FREM2: variants seen among roughly 807,000 people sequenced by gnomAD.
The protein encoded by FREM2 is FRAS1-related extracellular matrix protein 2.
In FREM2, 119 loss-of-function variants were observed where a neutral mutation model predicts 219.9. The ratio of observed to expected loss-of-function variants is 0.54; its 90% CI spans 0.47 to 0.63. FREM2 has a LOEUF of 0.63. Ranked by LOEUF, FREM2 falls within the 30% of genes least tolerant of loss-of-function variation. The pLI is 0.00. For synonymous variants in FREM2, 1,562 were observed against 1,522.8 expected (o/e 1.03, Z -0.60); for missense variants, 4,030 against 3,993.6 (o/e 1.01, Z -0.25).
chr13:38,720,316 G>A (rs975778830), intron 2 of FREM2, among the ~76,000 whole-genome samples: 1 of 152,080 alleles, frequency 6.6e-6, no homozygotes, highest in African/African-American at 2.4e-5. Flanking sequence ...AACTAGAATG[G>A]GATAGAGGTT....
chr13:38,867,540 A>C (rs1878015742), intron 16 of FREM2, among the ~76,000 whole-genome samples: 1 of 152,264 alleles, frequency 6.6e-6, no homozygotes, highest in South Asian at 2.1e-4. Context: ...CCAATAGAAT[A>C]GATAGATGAG....
intron 6 of FREM2, among the ~76,000 whole-genome samples, chr13:38,796,240 A>G (rs1017586124): frequency 6.6e-6 from 1 of 152,128 alleles, no homozygotes; most frequent in Non-Finnish European, 1.5e-5. Context: ...TCTGGAACGG[A>G]TGACCCTAGA....
At chr13:38,773,683 T>C (rs547010097) in intron 4 of FREM2, among the ~76,000 whole-genome samples, 1 of 152,204 alleles carries the variant, frequency 6.6e-6, no homozygotes, top group South Asian at 2.1e-4. Flanking sequence ...CTCCTTGGCC[T>C]CCCAAAATGT....
In FREM2 at chr13:38,884,467, AT is replaced by A. The variant is rs1365264903; in HGVS notation, c.*3683del. 2 of 152,188 alleles carry A rather than the reference AT, an allele frequency of 1.3e-5. No individual in the cohort carries two copies. The highest frequency in any genetic ancestry group is 4.8e-5 in the African/African-American group (2 of 41,456). 9.4% of individuals were successfully genotyped at this position (152,188 alleles called of 1,614,324 possible). ...TTATTTCTGCTTTTTGAAAATACTT[AT>A]TTAGTATTGACTTGGAAGCCAATTT... On this transcript the variant is annotated 3_prime_UTR_variant, in exon 24 of 24. Coordinates refer to ENST00000280481, the MANE Select transcript of FREM2 (RefSeq NM_207361.6).
chr13:38,833,437 C>T (rs1876587369), intron 6 of FREM2, among the ~76,000 whole-genome samples: 1 of 152,070 alleles, frequency 6.6e-6, no homozygotes, highest in African/African-American at 2.4e-5. Context: ...CTGCTAGTTT[C>T]TGCCCTTTTG....
chr13:38,739,936 G>T (rs182440477), intron 2 of FREM2, among the ~76,000 whole-genome samples: 1 of 152,282 alleles, frequency 6.6e-6, no homozygotes, highest in Admixed American at 6.5e-5. Context: ...GCTAAGGCAT[G>T]AGAGCCTTCA....
chr13:38,852,736 A>T (rs932871127), intron 11 of FREM2, among the ~76,000 whole-genome samples: 3 of 142,108 alleles, frequency 2.1e-5, no homozygotes, highest in Non-Finnish European at 1.5e-5. Context: ...ACAGAGTCTC[A>T]CGCTGTTGGC....
At chr13:38,774,584 T>C (rs1224588018) in intron 4 of FREM2, among the ~76,000 whole-genome samples, 1 of 152,184 alleles carries the variant, frequency 6.6e-6, no homozygotes, top group Non-Finnish European at 1.5e-5. Flanking sequence ...GTGTATTAAG[T>C]TACTAAGCTG....
intron 6 of FREM2, among the ~76,000 whole-genome samples, chr13:38,829,240 G>T (rs2137886505): frequency 6.6e-6 from 1 of 152,144 alleles, no homozygotes; most frequent in African/African-American, 2.4e-5. Flanking sequence ...ATTGAGAAAA[G>T]GCATCCATAT....
chr13:38,816,392 G>A (rs1273510125), intron 6 of FREM2, among the ~76,000 whole-genome samples: 5 of 152,176 alleles, frequency 3.3e-5, no homozygotes, highest in Non-Finnish European at 7.3e-5. Flanking sequence ...CTGTGGTCAA[G>A]TGGAGTTTAT....
rs1329167033 is a variant in FREM2 at position 38,823,015 on chromosome 13, A to T, written c.6020-23558A>T. ...AGACTTAATGTCTTAGATTCTGAAA[A>T]GCATCAAAACAAATCAGGAGAAAAA... On this transcript the variant is annotated intron_variant, in intron 6 of 23. Transcript: ENST00000280481. 2.0e-5 allele frequency among the ~76,000 whole-genome samples: 3 copies of T among 152,110 alleles called. No individual in the cohort carries two copies. In the East Asian group the frequency reaches 5.8e-4, roughly 29 times the overall value.
At position 38,884,898 on chromosome 13, in the gene FREM2, C is replaced by T. The variant is rs1878676044; in HGVS notation, c.*4111C>T. The T allele has an allele frequency of 6.6e-6, 1 of 152,154 alleles. No individual in the cohort carries two copies. The highest frequency in any genetic ancestry group is 2.1e-4 in the South Asian group (1 of 4,838). The allele number at this position is 152,154 out of a possible 1,614,324, so 9.4% of individuals were successfully genotyped here. On this transcript the variant is annotated 3_prime_UTR_variant, in exon 24 of 24. Coordinates refer to ENST00000280481, the MANE Select transcript of FREM2 (RefSeq NM_207361.6). ...TTTACAAAAAGGTCAACAGAAAGCT[C>T]ATTTGTGAAAACATACTCTCATGGG...
At position 38,878,922 on chromosome 13, in the gene FREM2, T is replaced by C; in HGVS notation, c.8951T>C (p.Leu2984Ser). Residue 2984 changes from leucine to serine, a missense_variant, in exon 23 of 24, where the codon TTA becomes TCA. By Grantham distance (145) the Leu-to-Ser change is moderately radical. This residue lies in a region of FREM2 where 928 missense variants were observed against 1,042.9 expected (regional missense o/e 0.89). Coordinates refer to ENST00000280481, the MANE Select transcript of FREM2 (RefSeq NM_207361.6). Reference sequence around the variant, plus strand: ...GTGGATGACCCTGAAGCCATTCTCTTAGTGAATCAGCCTGGATCTGATGGA... The same window carrying C: ...GTGGATGACCCTGAAGCCATTCTCTCAGTGAATCAGCCTGGATCTGATGGA... ...LAVDDPEAIL[L>S]VNQPGSDGFK... is the part of the protein sequence containing the mutation. The C allele has an allele frequency of 6.2e-7, 1 of 1,614,166 alleles. No homozygotes were observed. Among genetic ancestry groups the C allele is most frequent in the Non-Finnish European group, 8.5e-7 (1 of 1,180,004 alleles).
intron 6 of FREM2, among the ~76,000 whole-genome samples, chr13:38,789,519 GT>G (rs577789838): frequency 7.6e-5 from 11 of 145,522 alleles, no homozygotes; most frequent in African/African-American, 2.3e-4. Context: ...TTTTATTCAA[GT>G]TTTTTTTTAA....
chr13:38,800,350 CT>C (rs1246865969), intron 6 of FREM2, among the ~76,000 whole-genome samples: 5 of 151,894 alleles, frequency 3.3e-5, no homozygotes, highest in Non-Finnish European at 7.4e-5. Flanking sequence ...GAGTGGCAGA[CT>C]TTTTTTTCTT....
chr13:38,878,030 C>A, intron 21 of FREM2, 104 bp from the exon 22 acceptor site: 2 of 985,572 alleles, frequency 2.0e-6, no homozygotes, highest in Non-Finnish European at 3.2e-6. Context: ...ATGAGGGTGG[C>A]AAGGAAATAA....
At chr13:38,735,241 A>G (rs1356204561) in intron 2 of FREM2, among the ~76,000 whole-genome samples, 2 of 152,208 alleles carry the variant, frequency 1.3e-5, no homozygotes, top group African/African-American at 4.8e-5. Context: ...TAGAAATTGA[A>G]TTTCACCCTT....
chr13:38,804,570 T>C (rs2137854934), intron 6 of FREM2, among the ~76,000 whole-genome samples: 1 of 152,188 alleles, frequency 6.6e-6, no homozygotes, highest in Admixed American at 6.6e-5. Context: ...AAGCTAAGTA[T>C]GTAAAAAGCT....
At chr13:38,753,280 A>G (rs2197885) in intron 2 of FREM2, among the ~76,000 whole-genome samples, 1 of 152,142 alleles carries the variant, frequency 6.6e-6, no homozygotes, top group Non-Finnish European at 1.5e-5. Context: ...ACATATAATT[A>G]TACTTAATTT....
Sources: gnomAD v4.1 joint callset for allele counts (sites outside exome capture counted in the v4.1 genomes callset) on GRCh38, gnomAD v4.1.1 for gene constraint, gnomAD v4.1.1 regional missense constraint, MANE v1.5 for transcripts, NCBI Gene and HGNC (gene_info 2026-07-23, HGNC 2026-07-21) for gene names.